The following SCNN1D variants were observed in gnomAD, a reference collection of about 807,000 sequenced individuals.
SCNN1D encodes the protein sodium channel epithelial 1 subunit delta.
In SCNN1D, 104 loss-of-function variants were observed where a neutral mutation model predicts 87.8. The ratio of observed to expected loss-of-function variants is 1.18; its 90% CI spans 1.01 to 1.39. SCNN1D has a LOEUF of 1.39. SCNN1D is among the 40% of genes most tolerant of loss of function. SCNN1D has a pLI of 0.00. For synonymous variants in SCNN1D, 628 were observed against 481.2 expected (o/e 1.31, Z -3.99); for missense variants, 1,324 against 1,093.9 (o/e 1.21, Z -2.97).
rs1226298785 is a variant in SCNN1D at position 1,291,812 on chromosome 1, G to A, written c.*202G>A. ...GGGGTGGGTCTCAAGGAGGCCCGGGGCGGAGGGGGGTTCCCGCGTGCACAC... is the reference window on the plus strand; with the variant it reads ...GGGGTGGGTCTCAAGGAGGCCCGGGACGGAGGGGGGTTCCCGCGTGCACAC... On this transcript the variant is annotated 3_prime_UTR_variant, in exon 18 of 18. Coordinates refer to ENST00000379116, the MANE Select transcript of SCNN1D (RefSeq NM_001130413.4). 4.3e-6 allele frequency: 2 copies of A among 465,998 alleles called. No homozygotes were observed. Among genetic ancestry groups the A allele is most frequent in the East Asian group, 6.5e-5 (2 of 30,618 alleles). 28.9% of individuals were successfully genotyped at this position (465,998 alleles called of 1,614,324 possible).
At chr1:1,285,511 CCT>C (rs1328284278) in intron 5 of SCNN1D, 58 bp from the exon 6 acceptor site, 21 of 1,207,776 alleles carry the variant, frequency 1.7e-5, no homozygotes, top group Non-Finnish European at 2.0e-5. Context: ...CAAGTCTTCC[CCT>C]GAGCCCCAGA....
rs1640585900 is a variant in SCNN1D, at chr1:1,286,158, G to T, written c.791G>T (p.Cys264Phe). Residue 264 changes from cysteine to phenylalanine, a missense_variant, in exon 7 of 18, where the codon TGC (cysteine) becomes TTC (phenylalanine). Transcript: ENST00000379116. ...LLSLGALVAL[C>F]WQLGLLFERH... ...TCCCTGGGAGCCCTGGTCGCGCTCTGCTGGCAGCTGGGGCTCCTCTTTGAG... is the reference window on the plus strand; with the variant it reads ...TCCCTGGGAGCCCTGGTCGCGCTCTTCTGGCAGCTGGGGCTCCTCTTTGAG... 9.3e-6 allele frequency: 15 copies of T among 1,607,966 alleles called. No homozygotes were observed. Among genetic ancestry groups the T allele is most frequent in the Non-Finnish European group, 1.2e-5 (14 of 1,179,132 alleles).
intron 4 of SCNN1D, 105 bp downstream of exon 4, chr1:1,282,420 G>A (rs547677885): frequency 8.3e-6 from 11 of 1,327,188 alleles, no homozygotes; most frequent in South Asian, 1.4e-5. Flanking sequence ...GGGGCAGGAT[G>A]TCAGGAACAC....
At position 1,290,345 on chromosome 1, in the gene SCNN1D, G is replaced by T. The variant is rs151184625; in HGVS notation, c.1737G>T (p.Pro579=). Residue 579 remains proline (P), a synonymous_variant, in exon 13 of 18, where the codon CCG becomes CCT. Transcript: ENST00000379116. ...GTGGCTACTACCTCCACCCTCTGCC[G>T]GCGGGGGCTGAGTACTGCAGCTCTG... is the stretch of plus-strand genomic sequence containing the variant. ...CSCGYYLHPL[P]AGAEYCSSAR... is the part of the protein sequence containing the mutation. The T allele has an allele frequency of 6.3e-7, 1 of 1,595,982 alleles. No individual in the cohort carries two copies. Among genetic ancestry groups the T allele is most frequent in the Non-Finnish European group, 8.6e-7 (1 of 1,169,552 alleles).
intron 16 of SCNN1D, 25 bp downstream of exon 16, chr1:1,290,978 G>A: frequency 6.3e-7 from 1 of 1,599,062 alleles, no homozygotes. Context: ...CCCCTCCAGA[G>A]AGGCATCACA....
chr1:1,284,479 G>C (rs1205736374), intron 5 of SCNN1D, among the ~76,000 whole-genome samples: 1 of 151,850 alleles, frequency 6.6e-6, no homozygotes, highest in Non-Finnish European at 1.5e-5. Context: ...CCTGAAGAAG[G>C]CTGTGTCCCA....
At chr1:1,290,203 C>A in intron 12 of SCNN1D, 68 bp from the exon 13 acceptor site, 2 of 1,159,428 alleles carry the variant, frequency 1.7e-6, no homozygotes, top group Admixed American at 2.2e-5. Flanking sequence ...TGCTCCGTCC[C>A]GTGTCTCTGC....
At chr1:1,290,590 C>T in intron 14 of SCNN1D, 35 bp downstream of exon 14, 4 of 1,612,540 alleles carry the variant, frequency 2.5e-6, no homozygotes, top group Non-Finnish European at 3.4e-6. Flanking sequence ...GGCCAGGGAT[C>T]ATTGCCCCAG....
rs768787204 is a variant in SCNN1D, at chr1:1,290,638, G to A, written c.1861G>A (p.Glu621Lys). The change falls in exon 15 of 18, where the codon GAG becomes AAG. Residue 621 changes from glutamate (E) to lysine (K), a missense_variant and splice_region_variant. By Grantham distance (56) the Glu-to-Lys change is moderately conservative. Coordinates refer to ENST00000379116, the MANE Select transcript of SCNN1D (RefSeq NM_001130413.4). Reference protein sequence around the residue: ...CTSRCPRPCRESAFKLSTGTS... With the variant: ...CTSRCPRPCRKSAFKLSTGTS... ...GTGACACCCGGCTGTCTCTTCCAGG[G>A]AGTCTGCATTCAAGCTCTCCACTGG... 1.2e-6 allele frequency: 2 copies of A among 1,612,658 alleles called. No homozygotes were observed. The highest frequency in any genetic ancestry group is 2.2e-5 in the East Asian group (1 of 44,884).
chr1:1,291,326 G>A lies in SCNN1D; in HGVS notation c.2125G>A (p.Glu709Lys), dbSNP rs1180528592. The change falls in exon 18 of 18, where the codon GAG becomes AAG. Residue 709 changes from glutamate to lysine, a missense_variant. By Grantham distance (56) the Glu-to-Lys change is moderately conservative. Coordinates refer to ENST00000379116, the MANE Select transcript of SCNN1D (RefSeq NM_001130413.4). ...TGGGGCCTCCGTCCTCTCCCTCCTG[G>A]AGCTCCTGGAGCTGCTGCTCGATGC... ...WFGASVLSLL[E>K]LLELLLDASA... 11 of 1,599,696 alleles carry A rather than the reference G, an allele frequency of 6.9e-6. No individual in the cohort carries two copies. The highest frequency in any genetic ancestry group is 9.4e-6 in the Non-Finnish European group (11 of 1,174,736).
chr1:1,286,513 G>A (rs1023131624), intron 7 of SCNN1D, among the ~76,000 whole-genome samples: 5 of 152,128 alleles, frequency 3.3e-5, no homozygotes, highest in South Asian at 4.1e-4. Flanking sequence ...CAGGGCCCTC[G>A]GGAGCCTGGG....
At position 1,288,035 on chromosome 1, in the gene SCNN1D, C is replaced by A; in HGVS notation, c.1660C>A (p.Gln554Lys). The change falls in exon 12 of 18, where the codon CAG (glutamine) becomes AAG (lysine). Residue 554 changes from glutamine (Q) to lysine (K), a missense_variant and splice_region_variant. Physicochemically the swap from Gln to Lys is moderately conservative, Grantham distance 53. Coordinates refer to ENST00000379116, the MANE Select transcript of SCNN1D (RefSeq NM_001130413.4). ...ELLHNTSYTR[Q>K]ACLVSCFQQL... Reference sequence around the variant, plus strand: ...GCTACACAACACCTCCTACACCAGGCAGGTGAGGCTGGGCTGGCAGGGGGT... The same window carrying A: ...GCTACACAACACCTCCTACACCAGGAAGGTGAGGCTGGGCTGGCAGGGGGT... 2.0e-6 allele frequency: 3 copies of A among 1,505,012 alleles called. No individual in the cohort carries two copies. Among genetic ancestry groups the A allele is most frequent in the East Asian group, 2.6e-5 (1 of 37,976 alleles). The allele number at this position is 1,505,012 out of a possible 1,614,324, so 93.2% of individuals were successfully genotyped here. A position where few individuals can be genotyped will look rare whatever the true frequency, so the allele number is the denominator to read the frequency against.
chr1:1,285,805 G>A (rs1640575489), intron 6 of SCNN1D, 121 bp from the exon 7 acceptor site: 3 of 1,211,156 alleles, frequency 2.5e-6, no homozygotes, highest in African/African-American at 1.5e-5. Context: ...CCTGGGAGGG[G>A]CTTGTCCGAG....
At position 1,290,475 on chromosome 1, in the gene SCNN1D, A is replaced by G. The variant is rs1300007000; in HGVS notation, c.1781-2A>G. ...CACACATGCCTCTGACCCCTCCCCA[A>G]GGACACTGCTTCTACCGCCTCTACC... On this transcript the variant is annotated splice_acceptor_variant, in intron 13 of 17. Transcript: ENST00000379116. LOFTEE classifies it high-confidence loss of function. 3.7e-6 allele frequency: 6 copies of G among 1,612,586 alleles called. No individual in the cohort carries two copies. The highest frequency in any genetic ancestry group is 4.2e-6 in the Non-Finnish European group (5 of 1,179,886).
At chr1:1,286,492 T>C (rs1302905290) in intron 7 of SCNN1D, among the ~76,000 whole-genome samples, 1 of 152,024 alleles carries the variant, frequency 6.6e-6, no homozygotes, top group Non-Finnish European at 1.5e-5. Context: ...CACTGCCCCC[T>C]GGAGGGACAC....
In SCNN1D at chr1:1,285,579, G is replaced by C; in HGVS notation, c.473G>C (p.Gly158Ala). Reference sequence around the variant, plus strand: ...TACTTGCCTTTGGGTAGATCGCCTGGGCCTGTGGCTCCCCAGAGGCCCTGC... The same window carrying C: ...TACTTGCCTTTGGGTAGATCGCCTGCGCCTGTGGCTCCCCAGAGGCCCTGC... ...HGGALTSRSP[G>A]PVAPQRPCHL... The change falls in exon 6 of 18, where the codon GGG becomes GCG. Residue 158 changes from glycine (G) to alanine (A), a missense_variant. Physicochemically the swap from Gly to Ala is moderately conservative, Grantham distance 60. Transcript: ENST00000379116. 1 of 1,535,456 alleles carries C rather than the reference G, an allele frequency of 6.5e-7. No homozygotes were observed. The highest frequency in any genetic ancestry group is 8.8e-7 in the Non-Finnish European group (1 of 1,139,668).
At chr1:1,284,603 G>T (rs868272776) in intron 5 of SCNN1D, among the ~76,000 whole-genome samples, 2 of 146,558 alleles carry the variant, frequency 1.4e-5, no homozygotes, top group South Asian at 2.2e-4. Flanking sequence ...GCTGGACCAC[G>T]GGGGGTGCCG....
At position 1,290,565 on chromosome 1, in the gene SCNN1D, G is replaced by A; in HGVS notation, c.1859+10G>A. On this transcript the variant is annotated intron_variant, in intron 14 of 17. Coordinates refer to ENST00000379116, the MANE Select transcript of SCNN1D (RefSeq NM_001130413.4). ...GCCCCAGGCCCTGCAGGTGAGACGG[G>A]GGTGTTGGGGTCGCGGCCAGGGATC... 6.2e-7 allele frequency: 1 copy of A among 1,612,586 alleles called. No individual in the cohort carries two copies. The highest frequency in any genetic ancestry group is 2.2e-5 in the East Asian group (1 of 44,886).
rs763901470 is a variant in SCNN1D at position 1,291,146 on chromosome 1, C to T, written c.2052+6C>T. On this transcript the variant is annotated splice_donor_region_variant and intron_variant, in intron 17 of 17. Transcript: ENST00000379116. The stretch of plus-strand genomic sequence containing the variant: ...AGGAGGCGCCCGTGTACTCGGTGAG[C>T]CTTGGCCCCCTGCCTGGGCTAGAGC... 3 of 1,610,838 alleles carry T rather than the reference C, an allele frequency of 1.9e-6. No individual in the cohort carries two copies. The highest frequency in any genetic ancestry group is 2.2e-5 in the South Asian group (2 of 90,772).
Sources: gnomAD v4.1 joint callset for allele counts (sites outside exome capture counted in the v4.1 genomes callset) on GRCh38, gnomAD v4.1.1 for gene constraint, MANE v1.5 for transcripts, NCBI Gene and HGNC (gene_info 2026-07-23, HGNC 2026-07-21) for gene names.